Variants in GFOD1 observed in about 807,000 individuals in gnomAD.
GFOD1 encodes Gfo/Idh/MocA-like oxidoreductase domain containing 1, also known as glucose-fructose oxidoreductase domain-containing protein 1.
In GFOD1, 9 loss-of-function variants were observed where a neutral mutation model predicts 25.4. The ratio of observed to expected loss-of-function variants is 0.35; its 90% CI spans 0.21 to 0.62. The LOEUF is 0.62. Among genes scored for constraint, GFOD1 ranks in the 20% least tolerant of loss-of-function variants. The probability of loss-of-function intolerance (pLI) is 0.72; values close to 1 mark genes in which losing one functional copy is unlikely to be tolerated. For missense variants in GFOD1, 403 were observed against 556.9 expected (o/e 0.72, Z 2.78); for synonymous variants, 253 against 245.6 (o/e 1.03, Z -0.28).
chr6:13,386,328 A>G (rs538303532), intron 1 of GFOD1, among the ~76,000 whole-genome samples: 2 of 152,232 alleles, frequency 1.3e-5, no homozygotes, highest in African/African-American at 4.8e-5. Context: ...CTTTTCATTT[A>G]TAAGCAAGCA....
intron 1 of GFOD1, among the ~76,000 whole-genome samples, chr6:13,456,069 T>C (rs1302116386): frequency 1.3e-5 from 2 of 152,130 alleles, no homozygotes; most frequent in East Asian, 3.9e-4. Flanking sequence ...GTCTCAGAGG[T>C]GGGTTTTAAA....
Position 13,420,693 on chromosome 6 carries a change from C to T in GFOD1, c.254-55031G>A, listed in dbSNP as rs185075442. 1.1e-3 allele frequency among the ~76,000 whole-genome samples: 164 copies of T among 152,338 alleles called. No individual in the cohort carries two copies. The Middle Eastern group carries it at 0.024, about 22-fold the overall frequency. Reference sequence around the variant, plus strand: ...CTAGAATAAACTGCCAGGTATTTATCTTAAATTAACAAGACTTCTAGTTAT... The same window carrying T: ...CTAGAATAAACTGCCAGGTATTTATTTTAAATTAACAAGACTTCTAGTTAT... On this transcript the variant is annotated intron_variant, in intron 1 of 1. Coordinates refer to ENST00000379287, the MANE Select transcript of GFOD1 (RefSeq NM_018988.4).
At chr6:13,431,017 C>T (rs1046770600) in intron 1 of GFOD1, among the ~76,000 whole-genome samples, 2 of 152,254 alleles carry the variant, frequency 1.3e-5, no homozygotes, top group Non-Finnish European at 2.9e-5. Flanking sequence ...GCAGTGAAGG[C>T]ATTTGTCTCA....
chr6:13,440,792 T>C (rs964396099), intron 1 of GFOD1, among the ~76,000 whole-genome samples: 2 of 152,228 alleles, frequency 1.3e-5, no homozygotes, highest in South Asian at 2.1e-4. Flanking sequence ...CAGAGCTCTT[T>C]AAATACTTTA....
intron 1 of GFOD1, among the ~76,000 whole-genome samples, chr6:13,388,102 T>G (rs949006830): frequency 2.6e-5 from 4 of 152,070 alleles, no homozygotes; most frequent in Admixed American, 6.6e-5. Context: ...CACTGCTCAA[T>G]GAAATAAAAG....
chr6:13,434,093 G>A (rs570630706), intron 1 of GFOD1, among the ~76,000 whole-genome samples: 1 of 152,370 alleles, frequency 6.6e-6, no homozygotes, highest in East Asian at 1.9e-4. Flanking sequence ...TGGGAACGGG[G>A]AAGTCAAGGA....
chr6:13,359,945 C>CAAAAAA lies in GFOD1; in HGVS notation c.*4792_*4797dup, dbSNP rs3037754. The CAAAAAA allele has an allele frequency of 1.3e-3, 116 of 90,656 alleles. No homozygotes were observed. Among genetic ancestry groups the CAAAAAA allele is most frequent in the African/African-American group, 3.4e-3 (104 of 30,448 alleles). The allele number at this position is 90,656 out of a possible 1,614,324, so 5.6% of individuals were successfully genotyped here. A position where few individuals can be genotyped will look rare whatever the true frequency, so the allele number is the denominator to read the frequency against. On this transcript the variant is annotated 3_prime_UTR_variant, in exon 2 of 2. Coordinates refer to ENST00000379287, the MANE Select transcript of GFOD1 (RefSeq NM_018988.4). The stretch of plus-strand genomic sequence containing the variant: ...TGGGTGACAGAGTAAGACTCTGTCT[C>CAAAAAA]AAAAAAAAAAAAAAAAGGATTTCCA...
chr6:13,473,909 G>C (rs1365114594), intron 1 of GFOD1, among the ~76,000 whole-genome samples: 1 of 152,190 alleles, frequency 6.6e-6, no homozygotes, highest in East Asian at 1.9e-4. Context: ...GACGAGTGGG[G>C]CCCCACTCAT....
chr6:13,370,247 T>C (rs1785124142), intron 1 of GFOD1, among the ~76,000 whole-genome samples: 1 of 152,176 alleles, frequency 6.6e-6, no homozygotes, highest in Non-Finnish European at 1.5e-5. Context: ...CAAGACCTCT[T>C]TATGATTCTT....
intron 1 of GFOD1, among the ~76,000 whole-genome samples, chr6:13,478,359 C>T (rs919805964): frequency 1.3e-5 from 2 of 152,132 alleles, no homozygotes; most frequent in African/African-American, 2.4e-5. Context: ...AGGCTGGTCT[C>T]GAACTCCTGA....
intron 1 of GFOD1, among the ~76,000 whole-genome samples, chr6:13,475,445 C>T (rs1758598537): frequency 6.6e-6 from 1 of 151,464 alleles, no homozygotes; most frequent in African/African-American, 2.4e-5. Flanking sequence ...CGCGGTGGCT[C>T]ACGCCTGTAA....
At chr6:13,413,812 C>A (rs1249232807) in intron 1 of GFOD1, among the ~76,000 whole-genome samples, 1 of 152,184 alleles carries the variant, frequency 6.6e-6, no homozygotes, top group East Asian at 1.9e-4. Flanking sequence ...CTCTACCAAG[C>A]AAACGAGGTT....
chr6:13,463,871 G>GT (rs1758336113), intron 1 of GFOD1, among the ~76,000 whole-genome samples: 1 of 152,098 alleles, frequency 6.6e-6, no homozygotes, highest in Non-Finnish European at 1.5e-5. Context: ...ATCCAGCAGG[G>GT]TCTTGAGGTC....
At chr6:13,366,681 A>G (rs2127554855) in intron 1 of GFOD1, among the ~76,000 whole-genome samples, 1 of 151,418 alleles carries the variant, frequency 6.6e-6, no homozygotes, top group South Asian at 2.1e-4. Context: ...TTTTTAAGAG[A>G]CAGGGGTCTC....
At chr6:13,486,417 T>A in intron 1 of GFOD1, 2 of 606,932 alleles carry the variant, frequency 3.3e-6, no homozygotes, top group South Asian at 4.0e-5. Context: ...GGGAAGCGCG[T>A]CCAAGTGGTG....
At chr6:13,483,202 G>A (rs1278561542) in intron 1 of GFOD1, among the ~76,000 whole-genome samples, 1 of 152,054 alleles carries the variant, frequency 6.6e-6, no homozygotes, top group Non-Finnish European at 1.5e-5. Context: ...TGAGACAACA[G>A]AAGGGTATGT....
chr6:13,459,824 G>A (rs1290884526), intron 1 of GFOD1, among the ~76,000 whole-genome samples: 1 of 152,170 alleles, frequency 6.6e-6, no homozygotes, highest in Non-Finnish European at 1.5e-5. Flanking sequence ...CAGTCAGAAT[G>A]GTGATTATTA....
At chr6:13,470,825 G>A (rs547314460) in intron 1 of GFOD1, among the ~76,000 whole-genome samples, 2 of 152,234 alleles carry the variant, frequency 1.3e-5, no homozygotes, top group South Asian at 2.1e-4. Context: ...TGTAGTGTGT[G>A]TGCACTCACA....
At position 13,365,749 on chromosome 6, in the gene GFOD1, T is replaced by A; in HGVS notation, c.254-87A>T. 2 of 1,021,402 alleles carry A rather than the reference T, an allele frequency of 2.0e-6. No homozygotes were observed. The highest frequency in any genetic ancestry group is 1.5e-5 in the South Asian group (1 of 65,758). The allele number at this position is 1,021,402 out of a possible 1,614,324, so 63.3% of individuals were successfully genotyped here. A position where few individuals can be genotyped will look rare whatever the true frequency, so the allele number is the denominator to read the frequency against. On this transcript the variant is annotated intron_variant, in intron 1 of 1. Coordinates refer to ENST00000379287, the MANE Select transcript of GFOD1 (RefSeq NM_018988.4). This position sits in a 1 kb window ranked among gnomAD's most constrained non-coding sequence, Gnocchi z 9.2. ...GGTCAGATCTTAAAATATTTCACATTAATAGAAAAAGAAGGTCAGATGTGG... is the reference window on the plus strand; with the variant it reads ...GGTCAGATCTTAAAATATTTCACATAAATAGAAAAAGAAGGTCAGATGTGG...
Sources: allele counts gnomAD v4.1 joint callset (sites outside exome capture counted in the v4.1 genomes callset), GRCh38; gene constraint gnomAD v4.1.1; non-coding constraint Gnocchi (gnomAD v3.1); transcripts MANE v1.5; gene names NCBI Gene and HGNC (gene_info 2026-07-23, HGNC 2026-07-21).